Variants in LAMB4 observed in about 807,000 individuals in gnomAD.
LAMB4 encodes the protein laminin subunit beta 4.
Under a neutral mutation model 199.2 loss-of-function variants are expected in LAMB4, and 196 were observed. The observed-to-expected ratio is 0.98, with a 90% CI of 0.88 to 1.11. LAMB4 has a LOEUF of 1.11. LAMB4 is among the 50% of genes least tolerant of loss of function. The pLI, the probability that LAMB4 is intolerant of heterozygous loss-of-function variation, is 0.00. For synonymous variants in LAMB4, 744 were observed against 770.6 expected, an observed-to-expected ratio of 0.97 and a Z score of 0.57; for missense variants, 2,080 against 2,171.2, an observed-to-expected ratio of 0.96 and a Z score of 0.83.
chr7:108,105,476 G>A lies in LAMB4; in HGVS notation c.870+341C>T, dbSNP rs568462504. Among the ~76,000 whole-genome samples the A allele has an allele frequency of 2.4e-3, 364 of 152,292 alleles. 2 individuals are homozygous for A. Among genetic ancestry groups the A allele is most frequent in the Non-Finnish European group, 4.0e-3 (274 of 68,028 alleles). ...GCAATTAAAAGTGTTGGCAAAAACAGCACTTTTGCACCAACCCAATATGAT... is the reference window on the plus strand; with the variant it reads ...GCAATTAAAAGTGTTGGCAAAAACAACACTTTTGCACCAACCCAATATGAT... On this transcript the variant is annotated intron_variant, in intron 8 of 33. Transcript: ENST00000388781.
At chr7:108,040,392 C>T (rs1437874925) in intron 29 of LAMB4, among the ~76,000 whole-genome samples, 1 of 152,122 alleles carries the variant, frequency 6.6e-6, no homozygotes, top group African/African-American at 2.4e-5. Flanking sequence ...ACATTCTTCA[C>T]AGAACTAGAA....
chr7:108,112,338 G>C (rs945400835), intron 3 of LAMB4, among the ~76,000 whole-genome samples: 1 of 150,430 alleles, frequency 6.6e-6, no homozygotes, highest in Non-Finnish European at 1.5e-5. Context: ...TTTTGAGACA[G>C]AGTCTCATGC....
intron 13 of LAMB4, 58 bp from the exon 14 acceptor site, chr7:108,091,834 G>T: frequency 1.9e-6 from 3 of 1,558,314 alleles, no homozygotes; most frequent in Non-Finnish European, 2.6e-6. Context: ...GAAAATGAAG[G>T]TGTAGGGGTG....
At chr7:108,038,427 C>T (rs577582882) in intron 29 of LAMB4, among the ~76,000 whole-genome samples, 7 of 152,274 alleles carry the variant, frequency 4.6e-5, no homozygotes, top group African/African-American at 7.2e-5. Flanking sequence ...TCCCAAAGTG[C>T]GGGGATACAG....
In LAMB4 at chr7:108,098,429, C is replaced by T. The variant is rs2037705721; in HGVS notation, c.1334G>A (p.Ser445Asn). 2 of 1,609,902 alleles carry T rather than the reference C, an allele frequency of 1.2e-6. No individual in the cohort carries two copies. The highest frequency in any genetic ancestry group is 1.7e-6 in the Non-Finnish European group (2 of 1,178,456). Reference sequence around the variant, plus strand: ...CTGGCAGCCCAGGGGGTCGGTGGCGCTTAGTCCGTAGTGGTTGGGTTTGCA... The same window carrying T: ...CTGGCAGCCCAGGGGGTCGGTGGCGTTTAGTCCGTAGTGGTTGGGTTTGCA... ...DQCKPNHYGL[S>N]ATDPLGCQPC... Residue 445 changes from serine (S) to asparagine (N), a missense_variant, in exon 11 of 34, where the codon AGC (serine) becomes AAC (asparagine). Coordinates refer to ENST00000388781, the MANE Select transcript of LAMB4 (RefSeq NM_007356.3).
At chr7:108,117,933 C>A (rs986643236) in intron 2 of LAMB4, among the ~76,000 whole-genome samples, 7 of 152,112 alleles carry the variant, frequency 4.6e-5, no homozygotes, top group Admixed American at 2.6e-4. Flanking sequence ...GGCTTCTTTA[C>A]TGCAACCTGT....
At position 108,049,759 on chromosome 7, in the gene LAMB4, T is replaced by C; in HGVS notation, c.3917-228A>G. Among the ~76,000 whole-genome samples the C allele has an allele frequency of 1.3e-5, 2 of 152,216 alleles. 1 individual carries two copies. The highest frequency in any genetic ancestry group is 2.9e-5 in the Non-Finnish European group (2 of 68,040). On this transcript the variant is annotated intron_variant, in intron 26 of 33. Coordinates refer to ENST00000388781, the MANE Select transcript of LAMB4 (RefSeq NM_007356.3). ...GCATTGAGATTTAAGTCCACAGATG[T>C]GGTGTGAGTCCTGGCTTCACCCTTT...
At chr7:108,089,305 GTTTAGCCTC>G (rs1472488071) in intron 14 of LAMB4, among the ~76,000 whole-genome samples, 1 of 152,082 alleles carries the variant, frequency 6.6e-6, no homozygotes, top group Non-Finnish European at 1.5e-5. Flanking sequence ...AAAAAATAAA[GTTTAGCCTC>G]TTTAGCAGGA....
At chr7:108,040,847 T>C (rs2035398800) in intron 29 of LAMB4, among the ~76,000 whole-genome samples, 1 of 152,110 alleles carries the variant, frequency 6.6e-6, no homozygotes, top group Non-Finnish European at 1.5e-5. Flanking sequence ...GACACAGGCA[T>C]GGGCAAAGAT....
intron 33 of LAMB4, chr7:108,026,601 GT>G (rs1282592196): frequency 5.3e-6 from 1 of 188,150 alleles, no homozygotes; most frequent in African/African-American, 2.4e-5. Flanking sequence ...TTATTATGCA[GT>G]GAATAAATGA....
In LAMB4 at chr7:108,037,563, C is replaced by A; in HGVS notation, c.4504G>T (p.Val1502Phe). The A allele has an allele frequency of 1.2e-6, 2 of 1,614,156 alleles. No homozygotes were observed. The highest frequency in any genetic ancestry group is 8.5e-7 in the Non-Finnish European group (1 of 1,180,014). ...TGAATGTCAAGCACACCATTCGCAA[C>A]CTTCTCGATGTCTTCTGGAGGCACG... ...ENVPPEDIEK[V>F]ANGVLDIHLP... Residue 1502 changes from valine to phenylalanine, a missense_variant, in exon 30 of 34, where the codon GTT becomes TTT. Val to Phe is a conservative substitution (Grantham distance 50). Transcript: ENST00000388781.
At chr7:108,063,059 C>A in intron 22 of LAMB4, 65 bp from the exon 23 acceptor site, 1 of 1,089,596 alleles carries the variant, frequency 9.2e-7, no homozygotes, top group South Asian at 1.8e-5. Flanking sequence ...GCAAACCATA[C>A]AAACAGCGTT....
At chr7:108,016,275 ATT>A in the LAMB4 span, among the ~76,000 whole-genome samples, 4,828 of 97,352 alleles carry the variant, frequency 0.05, 45 homozygotes, top group African/African-American at 0.093. Flanking sequence ...GCATTTTGGA[ATT>A]TTTTTTTTTT....
At chr7:108,021,834 C>A (rs143976424), downstream of LAMB4, among the ~76,000 whole-genome samples, 7 of 152,250 alleles carry the variant, frequency 4.6e-5, no homozygotes, top group East Asian at 7.7e-4. Context: ...GCATCAAAAT[C>A]CTTCCTATCT....
rs148516927 is a variant in LAMB4, at chr7:108,063,943, G to A, written c.2879C>T (p.Pro960Leu). 5 of 1,613,970 alleles carry A rather than the reference G, an allele frequency of 3.1e-6. No individual in the cohort carries two copies. The African/African-American group carries it at 6.7e-5, about 22-fold the overall frequency. ...TTGGCAAGGTGCTCCTGAAATTCTT[G>A]GATTTCCATAGAAACCAGTAGAGCA... ...GECSTGFYGN[P>L]RISGAPCQPC... The change falls in exon 22 of 34, where the codon CCA becomes CTA. Residue 960 changes from proline (P) to leucine (L), a missense_variant. Coordinates refer to ENST00000388781, the MANE Select transcript of LAMB4 (RefSeq NM_007356.3).
At position 108,065,887 on chromosome 7, in the gene LAMB4, G is replaced by A. The variant is rs2036320572; in HGVS notation, c.2711C>T (p.Ser904Leu). 1.9e-6 allele frequency: 3 copies of A among 1,614,022 alleles called. No homozygotes were observed. The highest frequency in any genetic ancestry group is 1.3e-5 in the African/African-American group (1 of 75,040). ...CAGGCAAGGACGACAGGGCTGTCCTGAAGAAGGATTTCCATAGTAACCATC... is the reference window on the plus strand; with the variant it reads ...CAGGCAAGGACGACAGGGCTGTCCTAAAGAAGGATTTCCATAGTAACCATC... ...CIDGYYGNPS[S>L]GQPCRPCLCP... Residue 904 changes from serine to leucine, a missense_variant, in exon 21 of 34, where the codon TCA becomes TTA. Transcript: ENST00000388781.
At chr7:108,106,429 A>C in intron 7 of LAMB4, 80 bp downstream of exon 7, 1 of 891,246 alleles carries the variant, frequency 1.1e-6, no homozygotes, top group Non-Finnish European at 1.8e-6. Context: ...AGAAAAAAAA[A>C]AAAGAAAAGC....
At position 108,049,352 on chromosome 7, in the gene LAMB4, G is replaced by T. The variant is rs770893036; in HGVS notation, c.4096C>A (p.Pro1366Thr). 3 of 1,572,872 alleles carry T rather than the reference G, an allele frequency of 1.9e-6. No homozygotes were observed. In the Admixed American group the frequency reaches 5.1e-5, roughly 27 times the overall value. The change falls in exon 27 of 34, where the codon CCA becomes ACA. Residue 1366 changes from proline to threonine, a missense_variant. By Grantham distance (38) the Pro-to-Thr change is conservative (BLOSUM62 -1). Coordinates refer to ENST00000388781, the MANE Select transcript of LAMB4 (RefSeq NM_007356.3). ...TTTTCATTCAATATTTGGATATCTG[G>T]TATCTTAATCTGCTTTAATCTTTCC... is the stretch of plus-strand genomic sequence containing the variant. ...SLERLKQIKI[P>T]DIQILNEKVC...
At chr7:108,122,334 A>G (rs56146027) in intron 2 of LAMB4, among the ~76,000 whole-genome samples, 1,892 of 152,270 alleles carry the variant, frequency 0.012, 37 homozygotes, top group African/African-American at 0.043. Flanking sequence ...GTGGAGGATG[A>G]ACTGAGGGCT....
Sources: allele counts gnomAD v4.1 joint callset (sites outside exome capture counted in the v4.1 genomes callset), GRCh38; gene constraint gnomAD v4.1.1; transcripts MANE v1.5; gene names NCBI Gene and HGNC (gene_info 2026-07-23, HGNC 2026-07-21).